Variants in USP49 observed in about 807,000 individuals in gnomAD.
The protein encoded by USP49 is ubiquitin specific peptidase 49.
A neutral mutation model predicts 58.6 loss-of-function variants in USP49; 24 were observed. The observed-to-expected ratio is 0.41, with a 90% CI of 0.30 to 0.58. USP49 has a LOEUF of 0.58. USP49 is among the 20% of genes least tolerant of loss of function. The pLI is 0.30. For missense variants in USP49, 703 were observed against 866.1 expected, an observed-to-expected ratio of 0.81 and a Z score of 2.36; for synonymous variants, 408 against 365.1, an observed-to-expected ratio of 1.12 and a Z score of -1.34.
intron 3 of USP49, among the ~76,000 whole-genome samples, chr6:41,836,754 G>A (rs1484926993): frequency 1.3e-5 from 2 of 152,050 alleles, no homozygotes; most frequent in Non-Finnish European, 1.5e-5. Flanking sequence ...GTTTCAGGGT[G>A]CAAAATCAAT....
chr6:41,852,158 T>A (rs1774042552), intron 3 of USP49, among the ~76,000 whole-genome samples: 2 of 151,914 alleles, frequency 1.3e-5, no homozygotes, highest in Admixed American at 1.3e-4. Context: ...AAACCCCATC[T>A]CTACTAAAAA....
rs1052942454 is a variant in USP49 at position 41,806,274 on chromosome 6, G to T, written c.710C>A (p.Ala237Asp). 3 of 1,604,062 alleles carry T rather than the reference G, an allele frequency of 1.9e-6. No individual in the cohort carries two copies. The African/African-American group carries it at 4.0e-5, about 21-fold the overall frequency. The change falls in exon 4 of 8, where the codon GCC (alanine) becomes GAC (aspartate). Residue 237 changes from alanine (A) to aspartate (D), a missense_variant. Transcript: ENST00000682992. This position sits in a 1 kb window ranked among gnomAD's most constrained non-coding sequence, Gnocchi z 5.9. Reference protein sequence around the residue: ...AALPTSRRVPAATLKLRRQPA... With the variant: ...AALPTSRRVPDATLKLRRQPA... ...CTGGCGACGCAGCTTGAGTGTGGCG[G>T]CGGGCACTCTGCGTGAGGTAGGGAG...
At chr6:41,847,994 C>G (rs753937603) in intron 3 of USP49, among the ~76,000 whole-genome samples, 1 of 152,088 alleles carries the variant, frequency 6.6e-6, no homozygotes, top group African/African-American at 2.4e-5. Flanking sequence ...ATTAAATTAT[C>G]TAAAGTCAAA....
intron 1 of USP49, among the ~76,000 whole-genome samples, chr6:41,892,713 A>G (rs535201489): frequency 1.7e-3 from 255 of 152,332 alleles, no homozygotes; most frequent in African/African-American, 5.8e-3. Flanking sequence ...TATTTATACA[A>G]ACACCAGCAA....
At chr6:41,818,435 G>T (rs926515026) in intron 3 of USP49, among the ~76,000 whole-genome samples, 1 of 152,200 alleles carries the variant, frequency 6.6e-6, no homozygotes, top group Non-Finnish European at 1.5e-5. Flanking sequence ...AAGTGGATGA[G>T]AACCAGATTG....
chr6:41,890,123 T>C (rs961468356), intron 2 of USP49, among the ~76,000 whole-genome samples: 4 of 152,176 alleles, frequency 2.6e-5, no homozygotes. Flanking sequence ...CTGGGCACGG[T>C]GGCTCACGCC....
intron 3 of USP49, among the ~76,000 whole-genome samples, chr6:41,827,693 AAAAATT>A (rs1291228496): frequency 6.6e-6 from 1 of 151,430 alleles, no homozygotes; most frequent in African/African-American, 2.4e-5. Context: ...AAAAAAAAAA[AAAAATT>A]TGCCTGGGTC....
At chr6:41,849,274 C>T (rs1040637013) in intron 3 of USP49, among the ~76,000 whole-genome samples, 2 of 152,150 alleles carry the variant, frequency 1.3e-5, no homozygotes, top group African/African-American at 4.8e-5. Flanking sequence ...TATTTATGCT[C>T]CAAACATCAG....
rs551819269 is a variant in USP49 at position 41,857,902 on chromosome 6, A to G, written c.-29+13662T>C. Among the ~76,000 whole-genome samples, 26 of 152,378 alleles carry G rather than the reference A, an allele frequency of 1.7e-4. 1 individual carries two copies. The highest frequency in any genetic ancestry group is 1.4e-3 in the South Asian group (7 of 4,830). On this transcript the variant is annotated intron_variant, in intron 3 of 7. Transcript: ENST00000682992. ...AATCTCCTGAAACCATGTTAAGTAC[A>G]GACACAGTCAAAGTGACTTCTCTCT...
intron 2 of USP49, chr6:41,874,050 TC>T (rs1167521042): frequency 6.6e-6 from 1 of 152,176 alleles, no homozygotes; most frequent in Non-Finnish European, 1.5e-5. Context: ...GAAAGGCAGT[TC>T]CCAAAGTCAG....
chr6:41,843,659 G>A (rs761959482), intron 3 of USP49, among the ~76,000 whole-genome samples: 53 of 152,252 alleles, frequency 3.5e-4, no homozygotes, highest in Middle Eastern at 3.4e-3. Context: ...TGTAATCCTA[G>A]CAGTATGGGA....
chr6:41,857,156 A>C (rs998473719), intron 3 of USP49, among the ~76,000 whole-genome samples: 1 of 152,216 alleles, frequency 6.6e-6, no homozygotes, highest in Non-Finnish European at 1.5e-5. Context: ...TGTAACTATC[A>C]ACATCTGCCT....
In USP49 at chr6:41,789,923, T is replaced by A. The variant is rs1400254157; in HGVS notation, c.*6610A>T. ...CATTTTATTCTTTTAATAAGAAACT[T>A]TTGCTTACAAAAACAAGGTGTAAAA... is the stretch of plus-strand genomic sequence containing the variant. On this transcript the variant is annotated 3_prime_UTR_variant, in exon 8 of 8. Transcript: ENST00000682992. 1 of 152,160 alleles carries A rather than the reference T, an allele frequency of 6.6e-6. No individual in the cohort carries two copies. Among genetic ancestry groups the A allele is most frequent in the Non-Finnish European group, 1.5e-5 (1 of 68,022 alleles). The allele number at this position is 152,160 out of a possible 1,614,324, so 9.4% of individuals were successfully genotyped here.
At chr6:41,821,948 C>T (rs1773459951) in intron 3 of USP49, among the ~76,000 whole-genome samples, 1 of 152,138 alleles carries the variant, frequency 6.6e-6, no homozygotes, top group African/African-American at 2.4e-5. Flanking sequence ...TTTTACGAAG[C>T]AAAATCTGGC....
chr6:41,848,870 A>C (rs1204943541), intron 3 of USP49, among the ~76,000 whole-genome samples: 2 of 151,188 alleles, frequency 1.3e-5, no homozygotes, highest in Non-Finnish European at 2.9e-5. Flanking sequence ...AAAAAAAAAA[A>C]TGAGAGAGAG....
Position 41,836,449 on chromosome 6 carries a change from T to C in USP49, c.-28-29438A>G, listed in dbSNP as rs1340753121. Among the ~76,000 whole-genome samples the C allele has an allele frequency of 3.3e-5, 5 of 152,126 alleles. No individual in the cohort carries two copies. In the East Asian group the frequency reaches 5.8e-4, roughly 18 times the overall value. On this transcript the variant is annotated intron_variant, in intron 3 of 7. Transcript: ENST00000682992. ...GGGTAAAAGTTAGAAGCATTCTACCTGAGAACTGGAACAAGATAAGAATGC... is the reference window on the plus strand; with the variant it reads ...GGGTAAAAGTTAGAAGCATTCTACCCGAGAACTGGAACAAGATAAGAATGC...
At chr6:41,797,488 A>G (rs889770470) in intron 7 of USP49, among the ~76,000 whole-genome samples, 2 of 152,234 alleles carry the variant, frequency 1.3e-5, no homozygotes, top group African/African-American at 4.8e-5. Context: ...GTTCAAGAAG[A>G]GTGAACAGCT....
At chr6:41,830,542 G>C (rs1414714036) in intron 3 of USP49, among the ~76,000 whole-genome samples, 1 of 152,120 alleles carries the variant, frequency 6.6e-6, no homozygotes, top group African/African-American at 2.4e-5. Context: ...ATTTAGGAAA[G>C]CAGGCCAGGC....
chr6:41,840,629 G>A (rs945312606), intron 3 of USP49, among the ~76,000 whole-genome samples: 1 of 151,852 alleles, frequency 6.6e-6, no homozygotes, highest in Non-Finnish European at 1.5e-5. Context: ...GACTTAATCT[G>A]GTCTTTTTCT....
Sources: allele counts gnomAD v4.1 joint callset (sites outside exome capture counted in the v4.1 genomes callset), GRCh38; gene constraint gnomAD v4.1.1; non-coding constraint Gnocchi (gnomAD v3.1); transcripts MANE v1.5; gene names NCBI Gene and HGNC (gene_info 2026-07-23, HGNC 2026-07-21).